The following CRTC3 variants were observed in gnomAD, a reference collection of about 807,000 sequenced individuals.
CRTC3 encodes the protein CREB-regulated transcription coactivator 3.
In CRTC3, 26 loss-of-function variants were observed where a neutral mutation model predicts 74.5. The ratio of observed to expected loss-of-function variants is 0.35; its 90% confidence interval spans 0.26 to 0.48. The LOEUF (loss-of-function observed/expected upper bound fraction) is 0.48. Ranked by LOEUF, CRTC3 falls within the 20% of genes least tolerant of loss-of-function variation. The pLI is 0.99. For synonymous variants in CRTC3, 377 were observed against 325.8 expected (o/e 1.16, Z -1.69); for missense variants, 760 against 787.3 (o/e 0.97, Z 0.41).
intron 2 of CRTC3, among the ~76,000 whole-genome samples, chr15:90,549,516 C>G (rs1567162266): frequency 6.6e-6 from 1 of 152,044 alleles, no homozygotes; most frequent in Non-Finnish European, 1.5e-5. Context: ...TGGCTCACGC[C>G]TGTAATCCTA....
At chr15:90,628,082 C>CA (rs1272539291) in intron 10 of CRTC3, among the ~76,000 whole-genome samples, 4 of 151,038 alleles carry the variant, frequency 2.6e-5, no homozygotes, top group Non-Finnish European at 5.9e-5. Context: ...CCAGGCGTGG[C>CA]GGCACATGCC....
At position 90,629,640 on chromosome 15, in the gene CRTC3, C is replaced by A. The variant is rs1055267255; in HGVS notation, c.1266+108C>A. The A allele has an allele frequency of 1.0e-5, 11 of 1,104,210 alleles. No homozygotes were observed. In the South Asian group the frequency reaches 1.2e-4, roughly 12 times the overall value. The allele number at this position is 1,104,210 out of a possible 1,614,324, so 68.4% of individuals were successfully genotyped here. A position where few individuals can be genotyped will look rare whatever the true frequency, so the allele number is the denominator to read the frequency against. ...GGGTTACACTCATTATTACACCAAGCACCCATGAGGTCTCAAGTGCAGTCT... is the reference window on the plus strand; with the variant it reads ...GGGTTACACTCATTATTACACCAAGAACCCATGAGGTCTCAAGTGCAGTCT... On this transcript the variant is annotated intron_variant, in intron 11 of 14. Coordinates refer to ENST00000268184, the MANE Select transcript of CRTC3 (RefSeq NM_022769.5).
intron 4 of CRTC3, 49 bp downstream of exon 4, chr15:90,602,434 G>A: frequency 5.0e-6 from 5 of 1,008,916 alleles, no homozygotes; most frequent in Non-Finnish European, 7.8e-6. Context: ...GTTATTTTTA[G>A]ATAATTTCAC....
At chr15:90,560,212 T>TTTGTTGAGGGCTGGAACTC (rs1302118438) in intron 2 of CRTC3, among the ~76,000 whole-genome samples, 1 of 152,188 alleles carries the variant, frequency 6.6e-6, no homozygotes, top group Non-Finnish European at 1.5e-5. Flanking sequence ...TCAGCTAGTA[T>TTTGTTGAGGGCTGGAACTC]TTGTTGAGGG....
chr15:90,533,265 A>G (rs1350586771), intron 1 of CRTC3, among the ~76,000 whole-genome samples: 5 of 151,454 alleles, frequency 3.3e-5, no homozygotes, highest in Non-Finnish European at 5.9e-5. Context: ...TTAGCCGGGC[A>G]TGGTGGCGGG....
intron 2 of CRTC3, among the ~76,000 whole-genome samples, chr15:90,590,774 T>A (rs1230260753): frequency 1.3e-5 from 2 of 152,054 alleles, no homozygotes. Flanking sequence ...TAGTTTGGAG[T>A]AAGATCAGAT....
intron 8 of CRTC3, among the ~76,000 whole-genome samples, chr15:90,618,601 A>G (rs761340882): frequency 1.3e-5 from 2 of 152,168 alleles, no homozygotes; most frequent in Non-Finnish European, 2.9e-5. Flanking sequence ...GAAAACAGTT[A>G]ATCTGTTCCA....
At chr15:90,548,464 C>T (rs1016371140) in intron 2 of CRTC3, among the ~76,000 whole-genome samples, 4 of 152,126 alleles carry the variant, frequency 2.6e-5, no homozygotes, top group Admixed American at 6.5e-5. Flanking sequence ...GCCCAGAGTT[C>T]GCATAGCAAG....
intron 13 of CRTC3, 49 bp from the exon 14 acceptor site, chr15:90,641,048 C>G (rs1191252100): frequency 3.2e-6 from 4 of 1,250,210 alleles, no homozygotes; most frequent in Non-Finnish European, 4.7e-6. Flanking sequence ...TCACTTCCTC[C>G]TTGGAAACAG....
In CRTC3 at chr15:90,603,336, G is replaced by A. The variant is rs57894972; in HGVS notation, c.413+951G>A. Among the ~76,000 whole-genome samples the A allele has an allele frequency of 9.8e-3, 1,476 of 150,852 alleles. 40 individuals carry two copies. Among genetic ancestry groups the A allele is most frequent in the African/African-American group, 0.034 (1,414 of 41,008 alleles). ...CAGGCGCCTGTAGTCCCAGCTACTC[G>A]GGAGGCTGAGGCAGGAGAATGGCGT... On this transcript the variant is annotated intron_variant, in intron 4 of 14. Coordinates refer to ENST00000268184, the MANE Select transcript of CRTC3 (RefSeq NM_022769.5).
At chr15:90,626,731 C>T (rs944888063) in intron 10 of CRTC3, among the ~76,000 whole-genome samples, 24 of 151,976 alleles carry the variant, frequency 1.6e-4, no homozygotes, top group African/African-American at 5.8e-4. Flanking sequence ...TCTGCCTCAG[C>T]CTCCAGGGTA....
rs770313127 is a variant in CRTC3, at chr15:90,626,006, T to G, written c.967+13T>G. ...AGAAGCTCCTCTGGTGAGTATCTCC[T>G]GCTTAGCAGTGACCTGGTGGCTTAA... On this transcript the variant is annotated intron_variant, in intron 10 of 14. Transcript: ENST00000268184. 1.2e-6 allele frequency: 2 copies of G among 1,604,072 alleles called. No homozygotes were observed. Among genetic ancestry groups the G allele is most frequent in the Non-Finnish European group, 8.5e-7 (1 of 1,170,814 alleles).
At chr15:90,601,229 C>T (rs1423774067) in intron 3 of CRTC3, among the ~76,000 whole-genome samples, 6 of 152,126 alleles carry the variant, frequency 3.9e-5, no homozygotes, top group Non-Finnish European at 7.4e-5. Context: ...TGTCTCCGTG[C>T]GTCCAGAATA....
chr15:90,609,514 G>T (rs576740923), intron 6 of CRTC3, among the ~76,000 whole-genome samples: 53 of 152,288 alleles, frequency 3.5e-4, no homozygotes, highest in Non-Finnish European at 5.4e-4. Context: ...CTGCATTTCT[G>T]CCTCTGCCGA....
rs116111123 is a variant in CRTC3, at chr15:90,583,076, G to A, written c.232-10560G>A. ...TGGCCTCCTATTCTTGAGCTCAAGC[G>A]ATCCTCCCACCTCGGCCTCCCAAAG... On this transcript the variant is annotated intron_variant, in intron 2 of 14. Coordinates refer to ENST00000268184, the MANE Select transcript of CRTC3 (RefSeq NM_022769.5). Among the ~76,000 whole-genome samples the A allele has an allele frequency of 3.2e-3, 488 of 151,808 alleles. 2 individuals are homozygous for A. Among genetic ancestry groups the A allele is most frequent in the African/African-American group, 0.011 (450 of 41,338 alleles).
intron 1 of CRTC3, among the ~76,000 whole-genome samples, chr15:90,535,005 C>A (rs1456361199): frequency 6.6e-6 from 1 of 151,816 alleles, no homozygotes; most frequent in Non-Finnish European, 1.5e-5. Context: ...ACTAAAAATA[C>A]AAAAAATTAG....
At chr15:90,542,118 T>C (rs2151057137) in intron 2 of CRTC3, among the ~76,000 whole-genome samples, 1 of 152,056 alleles carries the variant, frequency 6.6e-6, no homozygotes, top group East Asian at 1.9e-4. Context: ...TTGTTTTGTT[T>C]TGTTTTGTTT....
At chr15:90,633,239 A>G (rs1288456626) in intron 11 of CRTC3, among the ~76,000 whole-genome samples, 1 of 146,504 alleles carries the variant, frequency 6.8e-6, no homozygotes, top group Non-Finnish European at 1.5e-5. Flanking sequence ...GGTTATCTAT[A>G]TGTATCTATG....
At chr15:90,553,960 A>G (rs886880699) in intron 2 of CRTC3, among the ~76,000 whole-genome samples, 1 of 152,216 alleles carries the variant, frequency 6.6e-6, no homozygotes, top group Non-Finnish European at 1.5e-5. Flanking sequence ...AGGGCAGTAC[A>G]GAGGCTGCAT....
Sources: gnomAD v4.1 joint callset for allele counts (sites outside exome capture counted in the v4.1 genomes callset) on GRCh38, gnomAD v4.1.1 for gene constraint, MANE v1.5 for transcripts, NCBI Gene and HGNC (gene_info 2026-07-23, HGNC 2026-07-21) for gene names.